The following SLIT3 variants were observed in gnomAD, a reference collection of about 807,000 sequenced individuals.
SLIT3 encodes slit homolog 3 protein.
A neutral mutation model predicts 184.0 loss-of-function variants in SLIT3; 68 were observed. That is an observed-to-expected ratio of 0.37 (90% CI 0.30 to 0.45). The LOEUF (loss-of-function observed/expected upper bound fraction) is 0.45, where lower values mean the gene tolerates loss of function less well. Ranked by LOEUF, SLIT3 falls within the 20% of genes least tolerant of loss-of-function variation. The pLI, the probability that SLIT3 is intolerant of heterozygous loss-of-function variation, is 1.00. For synonymous variants in SLIT3, 831 were observed against 828.6 expected (o/e 1.00, Z -0.05); for missense variants, 1,707 against 2,026.0 (o/e 0.84, Z 3.02).
chr5:168,966,161 C>A (rs1416045840), intron 4 of SLIT3, among the ~76,000 whole-genome samples: 1 of 152,144 alleles, frequency 6.6e-6, no homozygotes, highest in Non-Finnish European at 1.5e-5. Flanking sequence ...CTACAGTTAT[C>A]TGATTAGCAT....
intron 24 of SLIT3, 122 bp downstream of exon 24, chr5:168,712,161 A>G (rs1762579416): frequency 3.7e-6 from 3 of 816,314 alleles, no homozygotes; most frequent in Middle Eastern, 2.2e-4. Context: ...ACATAGTTGT[A>G]TAATATACTG....
intron 4 of SLIT3, among the ~76,000 whole-genome samples, chr5:169,058,461 A>G (rs560165355): frequency 8.5e-5 from 13 of 152,336 alleles, no homozygotes; most frequent in African/African-American, 3.1e-4. Context: ...CTCAGGACAC[A>G]TTTGGAGGGA....
At chr5:168,926,142 G>A (rs1412700014) in intron 4 of SLIT3, among the ~76,000 whole-genome samples, 1 of 151,916 alleles carries the variant, frequency 6.6e-6, no homozygotes, top group Non-Finnish European at 1.5e-5. Flanking sequence ...CCAACTGTGG[G>A]GAAAGGTGTG....
intron 4 of SLIT3, chr5:169,036,314 C>G (rs1423128011): frequency 6.6e-6 from 1 of 152,164 alleles, no homozygotes; most frequent in African/African-American, 2.4e-5. Context: ...GATGAATACA[C>G]CTAGGGAATC....
chr5:168,959,813 T>A (rs1403124521), intron 4 of SLIT3, among the ~76,000 whole-genome samples: 1 of 152,150 alleles, frequency 6.6e-6, no homozygotes, highest in Non-Finnish European at 1.5e-5. Flanking sequence ...GCTGTGGCAT[T>A]TCGTGCCATC....
chr5:169,174,405 G>A (rs1004113216), intron 4 of SLIT3, among the ~76,000 whole-genome samples: 3 of 152,212 alleles, frequency 2.0e-5, no homozygotes, highest in African/African-American at 7.2e-5. Context: ...GGTAGAGGAA[G>A]TGAAGAGAGC....
chr5:169,181,320 G>C (rs1763145396), intron 4 of SLIT3, among the ~76,000 whole-genome samples: 1 of 152,166 alleles, frequency 6.6e-6, no homozygotes, highest in African/African-American at 2.4e-5. Context: ...GTATGTGCCT[G>C]TGCTTTTAAC....
chr5:169,144,870 C>T lies in SLIT3; in HGVS notation c.413+48609G>A, dbSNP rs149434080. Reference sequence around the variant, plus strand: ...CGAATTGAGAAAAGAAGTAGCAAGACGGAAAATGTTGCCTGCCTGGGACGA... The same window carrying T: ...CGAATTGAGAAAAGAAGTAGCAAGATGGAAAATGTTGCCTGCCTGGGACGA... On this transcript the variant is annotated intron_variant, in intron 4 of 35. Transcript: ENST00000519560. 1.3e-3 allele frequency among the ~76,000 whole-genome samples: 193 copies of T among 152,324 alleles called. 1 individual carries two copies. The highest frequency in any genetic ancestry group is 4.5e-3 in the African/African-American group (188 of 41,576).
At chr5:168,860,617 T>A (rs1262539393) in intron 5 of SLIT3, among the ~76,000 whole-genome samples, 1 of 152,162 alleles carries the variant, frequency 6.6e-6, no homozygotes, top group African/African-American at 2.4e-5. Context: ...AATGAGCCTA[T>A]CTTTCAGATA....
In SLIT3 at chr5:168,762,662, C is replaced by T; in HGVS notation, c.1487G>A (p.Ser496Asn). The stretch of plus-strand genomic sequence containing the variant: ...CACGAGGTCCATGAAGCACTCGCTG[C>T]TGAACCTGCTGCGGTAATCCTCGGA... ...SGSEDYRSRF[S>N]SECFMDLVCP... Residue 496 changes from serine (S) to asparagine (N), a missense_variant, in exon 15 of 36, where the codon AGC becomes AAC. This residue lies in a region of SLIT3 where 1,307 missense variants were observed against 1,511.6 expected (regional missense o/e 0.86). Transcript: ENST00000519560. 2 of 1,614,014 alleles carry T rather than the reference C, an allele frequency of 1.2e-6. No homozygotes were observed. The highest frequency in any genetic ancestry group is 1.7e-6 in the Non-Finnish European group (2 of 1,179,960).
chr5:169,124,165 T>A (rs1465606075), intron 4 of SLIT3, among the ~76,000 whole-genome samples: 1 of 152,244 alleles, frequency 6.6e-6, no homozygotes. Flanking sequence ...GGCATTGATA[T>A]GGTTAAATTC....
At chr5:168,694,581 CTCTCTCTCTCTG>C (rs1419830275) in intron 28 of SLIT3, among the ~76,000 whole-genome samples, 1 of 151,892 alleles carries the variant, frequency 6.6e-6, no homozygotes, top group African/African-American at 2.4e-5. Context: ...GTCAGTCTTT[CTCTCTCTCTCTG>C]TCTCTCTCTC....
At chr5:168,961,973 G>T (rs1388778936) in intron 4 of SLIT3, among the ~76,000 whole-genome samples, 1 of 152,042 alleles carries the variant, frequency 6.6e-6, no homozygotes, top group Non-Finnish European at 1.5e-5. Context: ...GGCAGGTCAG[G>T]GTGTTGTGAC....
Position 169,200,036 on chromosome 5 carries a change from G to A in SLIT3, c.342-6486C>T, listed in dbSNP as rs189160467. Among the ~76,000 whole-genome samples the A allele has an allele frequency of 2.1e-4, 32 of 152,254 alleles. No homozygotes were observed. The East Asian group carries it at 4.1e-3, about 19-fold the overall frequency. The stretch of plus-strand genomic sequence containing the variant: ...GTGAGGGTAAACAGGGCTCCCAGAG[G>A]GCCTGCCTACCTGAGTCTGTCTTCA... On this transcript the variant is annotated intron_variant, in intron 3 of 35. Coordinates refer to ENST00000519560, the MANE Select transcript of SLIT3 (RefSeq NM_003062.4).
intron 3 of SLIT3, among the ~76,000 whole-genome samples, chr5:169,241,854 C>A (rs1019814948): frequency 1.3e-5 from 2 of 152,120 alleles, no homozygotes; most frequent in African/African-American, 4.8e-5. Flanking sequence ...ATAGAGAATT[C>A]TAAGTTGAGA....
chr5:169,142,779 G>A (rs1269103257), intron 4 of SLIT3, among the ~76,000 whole-genome samples: 2 of 152,198 alleles, frequency 1.3e-5, no homozygotes, highest in African/African-American at 4.8e-5. Context: ...ACCATGAGGT[G>A]GAGACTGTCA....
Position 168,934,976 on chromosome 5 carries a change from A to C in SLIT3, c.414-51640T>G, listed in dbSNP as rs573413286. On this transcript the variant is annotated intron_variant, in intron 4 of 35. Transcript: ENST00000519560. Reference sequence around the variant, plus strand: ...AACCCCATCTCTACTAAAAAAAAAAAAAAAAACAAAAATTAGCCAGGCATG... The same window carrying C: ...AACCCCATCTCTACTAAAAAAAAAACAAAAAACAAAAATTAGCCAGGCATG... 3.5e-3 allele frequency among the ~76,000 whole-genome samples: 534 copies of C among 150,792 alleles called. 4 individuals carry two copies. The highest frequency in any genetic ancestry group is 0.021 in the East Asian group (109 of 5,112).
chr5:169,270,559 A>T (rs1766567180), intron 1 of SLIT3, among the ~76,000 whole-genome samples: 1 of 152,196 alleles, frequency 6.6e-6, no homozygotes, highest in African/African-American at 2.4e-5. Context: ...CCTTCACGCG[A>T]CAGGGGCAGA....
intron 6 of SLIT3, among the ~76,000 whole-genome samples, chr5:168,827,782 T>C (rs1410043962): frequency 1.3e-5 from 2 of 152,200 alleles, no homozygotes; most frequent in African/African-American, 4.8e-5. Flanking sequence ...ATTCACATAA[T>C]GGACAGCTCC....
Sources: gnomAD v4.1 joint callset for allele counts (sites outside exome capture counted in the v4.1 genomes callset) on GRCh38, gnomAD v4.1.1 for gene constraint, gnomAD v4.1.1 regional missense constraint, MANE v1.5 for transcripts, NCBI Gene and HGNC (gene_info 2026-07-23, HGNC 2026-07-21) for gene names.